Variants in NLRP9 observed in about 807,000 individuals in gnomAD.
The protein encoded by NLRP9 is NACHT, LRR and PYD domains-containing protein 9.
Under a neutral mutation model 83.1 loss-of-function variants are expected in NLRP9, and 88 were observed. That is an observed-to-expected ratio of 1.06 (90% CI 0.89 to 1.26). NLRP9 has a LOEUF of 1.26. NLRP9 is among the 50% of genes most tolerant of loss of function. The pLI is 0.00. For synonymous variants in NLRP9, 521 were observed against 447.6 expected (o/e 1.16, Z -2.07); for missense variants, 1,308 against 1,179.3 (o/e 1.11, Z -1.60).
At chr19:55,731,206 A>G (rs1988558346) in intron 2 of NLRP9, among the ~76,000 whole-genome samples, 1 of 151,936 alleles carries the variant, frequency 6.6e-6, no homozygotes, top group Non-Finnish European at 1.5e-5. Flanking sequence ...GGAAGAATAC[A>G]AGGCAAAATC....
intron 2 of NLRP9, 128 bp downstream of exon 2, chr19:55,731,871 G>A (rs1988581392): frequency 5.0e-6 from 3 of 605,180 alleles, no homozygotes; most frequent in Non-Finnish European, 8.7e-6. Context: ...AGGCTCGAAA[G>A]GAAGGCTTTC....
At chr19:55,718,001 TG>T (rs909086003) in intron 4 of NLRP9, among the ~76,000 whole-genome samples, 5 of 152,344 alleles carry the variant, frequency 3.3e-5, no homozygotes, top group African/African-American at 1.2e-4. Context: ...TAAGAAAAAC[TG>T]TTCTGTTTTG....
intron 4 of NLRP9, among the ~76,000 whole-genome samples, chr19:55,718,990 G>GT (rs1271566854): frequency 6.6e-6 from 1 of 152,190 alleles, no homozygotes; most frequent in Non-Finnish European, 1.5e-5. Flanking sequence ...CTGCACATCT[G>GT]TATCTTTCAG....
At chr19:55,726,016 A>C (rs927123789) in intron 3 of NLRP9, among the ~76,000 whole-genome samples, 2 of 151,666 alleles carry the variant, frequency 1.3e-5, no homozygotes, top group African/African-American at 4.8e-5. Context: ...ACAGAGCGAG[A>C]CTGTCTCAGA....
At chr19:55,733,803 C>G (rs1043824373) in intron 1 of NLRP9, among the ~76,000 whole-genome samples, 1 of 152,114 alleles carries the variant, frequency 6.6e-6, no homozygotes, top group Non-Finnish European at 1.5e-5. Context: ...CCTATTCTCT[C>G]TGAAGGTCTC....
chr19:55,733,940 T>TTTTTTTG (rs1988693508), intron 1 of NLRP9, among the ~76,000 whole-genome samples: 1 of 145,332 alleles, frequency 6.9e-6, no homozygotes, highest in Non-Finnish European at 1.5e-5. Flanking sequence ...TTTTTTTTTT[T>TTTTTTTG]GAGACGGAGT....
intron 7 of NLRP9, among the ~76,000 whole-genome samples, 175 bp from the exon 8 acceptor site, chr19:55,712,145 C>T (rs1224051496): frequency 6.6e-6 from 1 of 152,164 alleles, no homozygotes; most frequent in African/African-American, 2.4e-5. Flanking sequence ...ACCTTTATCC[C>T]AACTGAAGGT....
At position 55,723,913 on chromosome 19, in the gene NLRP9, A is replaced by G. The variant is rs1053289332; in HGVS notation, c.2159+67T>C. ...GCAATGACCCTCCAGGAAGGAAAAC[A>G]AGAAAATCAAACTGCAAAGCCCACC... is the stretch of plus-strand genomic sequence containing the variant. On this transcript the variant is annotated intron_variant, in intron 4 of 8. Transcript: ENST00000332836. 2.3e-4 allele frequency: 307 copies of G among 1,333,840 alleles called. 1 individual carries two copies. Among genetic ancestry groups the G allele is most frequent in the Non-Finnish European group, 3.0e-4 (288 of 952,982 alleles). 82.6% of individuals were successfully genotyped at this position (1,333,840 alleles called of 1,614,324 possible).
intron 8 of NLRP9, among the ~76,000 whole-genome samples, chr19:55,710,576 C>T (rs1987670565): frequency 6.6e-6 from 1 of 152,104 alleles, no homozygotes; most frequent in South Asian, 2.1e-4. Context: ...TGGTGCTGTT[C>T]TCATGATAGA....
rs141305973 is a variant in NLRP9, at chr19:55,715,133, G to A, written c.2423C>T (p.Ser808Leu). 1 of 1,613,170 alleles carries A rather than the reference G, an allele frequency of 6.2e-7. No individual in the cohort carries two copies. Among genetic ancestry groups the A allele is most frequent in the African/African-American group, 1.3e-5 (1 of 74,924 alleles). Residue 808 changes from serine to leucine, a missense_variant, in exon 6 of 9, where the codon TCA (serine) becomes TTA (leucine). Physicochemically the swap from Ser to Leu is moderately radical, Grantham distance 145 (BLOSUM62 -2). Transcript: ENST00000332836. ...SKSLSLLDLG[S>L]NALEDNGVAS... is the part of the protein sequence containing the mutation. ...CACTCCATTATCTTCCAGGGCATTT[G>A]AGCCCAGATCGAGGAGGGACAGGGA...
In NLRP9 at chr19:55,732,433, A is replaced by G; in HGVS notation, c.1398T>C (p.Pro466=). The change falls in exon 2 of 9, where the codon CCT becomes CCC. Residue 466 remains proline (P), a synonymous_variant. Transcript: ENST00000332836. ...GGGTTATGCTTCCAATGGCCGGGTTAGGATCGTCTTTGGGTCGTTTGAGCA... is the reference window on the plus strand; with the variant it reads ...GGGTTATGCTTCCAATGGCCGGGTTGGGATCGTCTTTGGGTCGTTTGAGCA... The part of the protein sequence containing the change: ...FYLLKRPKDD[P]NPAIGSITQL... 6.2e-7 allele frequency: 1 copy of G among 1,614,252 alleles called. No individual in the cohort carries two copies. The highest frequency in any genetic ancestry group is 8.5e-7 in the Non-Finnish European group (1 of 1,180,046).
intron 6 of NLRP9, among the ~76,000 whole-genome samples, chr19:55,714,199 T>C (rs1987918878): frequency 6.6e-6 from 1 of 152,032 alleles, no homozygotes; most frequent in African/African-American, 2.4e-5. Flanking sequence ...CTGTCATTTA[T>C]CAAGAGTGTA....
At position 55,733,254 on chromosome 19, in the gene NLRP9, T is replaced by C; in HGVS notation, c.577A>G (p.Ile193Val). ...AGCTCCAGTAAGCTGGTCTCTGCGA[T>C]ACCGTTCATTTCACAGACATTGAGG... ...FFLNVCEMNG[I>V]AETSLLELLS... Residue 193 changes from isoleucine (I) to valine (V), a missense_variant, in exon 2 of 9, where the codon ATC becomes GTC. By Grantham distance (29) the Ile-to-Val change is conservative (BLOSUM62 3). Coordinates refer to ENST00000332836, the MANE Select transcript of NLRP9 (RefSeq NM_176820.4). 1 of 1,613,986 alleles carries C rather than the reference T, an allele frequency of 6.2e-7. No homozygotes were observed. Among genetic ancestry groups the C allele is most frequent in the South Asian group, 1.1e-5 (1 of 91,062 alleles).
chr19:55,713,596 TC>T (rs1987867115), intron 6 of NLRP9, among the ~76,000 whole-genome samples: 1 of 25,564 alleles, frequency 3.9e-5, no homozygotes, highest in Non-Finnish European at 8.3e-5. Context: ...CCCCTCCTCC[TC>T]CTCTCCCTCC....
chr19:55,715,793 A>G (rs1176454719), intron 5 of NLRP9, among the ~76,000 whole-genome samples: 2 of 152,240 alleles, frequency 1.3e-5, no homozygotes, highest in Non-Finnish European at 2.9e-5. Flanking sequence ...TCCAAGTCAC[A>G]TCATCACCAG....
rs373691048 is a variant in NLRP9 at position 55,716,002 on chromosome 19, G to A, written c.2330+726C>T. Among the ~76,000 whole-genome samples the A allele has an allele frequency of 2.4e-4, 36 of 152,348 alleles. No individual in the cohort carries two copies. In the East Asian group the frequency reaches 6.7e-3, roughly 29 times the overall value. On this transcript the variant is annotated intron_variant, in intron 5 of 8. Coordinates refer to ENST00000332836, the MANE Select transcript of NLRP9 (RefSeq NM_176820.4). ...AAATGCTTCAATGATGTCAGATGAT[G>A]AGTATGTTAGTTTCCTTGACGACAG...
intron 4 of NLRP9, among the ~76,000 whole-genome samples, chr19:55,718,093 A>G (rs528397892): frequency 1.2e-3 from 178 of 152,350 alleles, no homozygotes; most frequent in African/African-American, 3.9e-3. Flanking sequence ...GCTGTGCAGC[A>G]TGTGCCTTGT....
chr19:55,710,525 A>T (rs1987668966), intron 8 of NLRP9, among the ~76,000 whole-genome samples: 2 of 152,118 alleles, frequency 1.3e-5, no homozygotes, highest in Non-Finnish European at 2.9e-5. Flanking sequence ...TGACTGGATC[A>T]TGGGGGTGGA....
chr19:55,716,651 C>A, intron 5 of NLRP9, 77 bp downstream of exon 5: 3 of 1,225,214 alleles, frequency 2.4e-6, no homozygotes, highest in Non-Finnish European at 3.6e-6. Flanking sequence ...CAGTGAGCAC[C>A]GCGTTGCTTT....
Sources: gnomAD v4.1 joint callset for allele counts (sites outside exome capture counted in the v4.1 genomes callset) on GRCh38, gnomAD v4.1.1 for gene constraint, MANE v1.5 for transcripts, NCBI Gene and HGNC (gene_info 2026-07-23, HGNC 2026-07-21) for gene names.